Variants in SORBS2 observed in about 807,000 individuals in gnomAD.
SORBS2 encodes the protein sorbin and SH3 domain-containing protein 2.
Under a neutral mutation model 97.7 loss-of-function variants are expected in SORBS2, and 46 were observed. The observed-to-expected ratio is 0.47, with a 90% CI of 0.37 to 0.60. The LOEUF is 0.60. Ranked by LOEUF, SORBS2 falls within the 20% of genes least tolerant of loss-of-function variation. The probability of loss-of-function intolerance (pLI) is 0.00; values close to 1 mark genes in which losing one functional copy is unlikely to be tolerated. For missense variants in SORBS2, 1,316 were observed against 1,282.3 expected, an observed-to-expected ratio of 1.03 and a Z score of -0.40; for synonymous variants, 476 against 473.4, an observed-to-expected ratio of 1.01 and a Z score of -0.07.
chr4:185,778,650 A>C (rs552968699), intron 1 of SORBS2, among the ~76,000 whole-genome samples: 5 of 152,170 alleles, frequency 3.3e-5, no homozygotes, highest in Non-Finnish European at 7.3e-5. Context: ...ATGACTCTGG[A>C]TGTGACTCGA....
At chr4:185,637,355 T>C (rs1276933810) in intron 4 of SORBS2, among the ~76,000 whole-genome samples, 1 of 152,246 alleles carries the variant, frequency 6.6e-6, no homozygotes, top group Non-Finnish European at 1.5e-5. Context: ...CCTAGGCGTG[T>C]AGCAGGCTCT....
rs1201714307 is a variant in SORBS2 at position 185,731,832 on chromosome 4, T to TTCTCTCTCTCTC, written c.-198+43383_-198+43394dup. 3.3e-4 allele frequency among the ~76,000 whole-genome samples: 11 copies of TTCTCTCTCTCTC among 33,276 alleles called. 1 individual carries two copies. In the East Asian group the frequency reaches 4.7e-3, roughly 14 times the overall value. The allele number at this position is 33,276 out of a possible 152,430, so 21.8% of individuals were successfully genotyped here. ...CCTCCCTCCCTGCCTGTCTCTCTCT[T>TTCTCTCTCTCTC]TCTCTCTCTCTCTCTCTCTCTCTCT... On this transcript the variant is annotated intron_variant, in intron 2 of 20. Transcript: ENST00000284776.
intron 1 of SORBS2, among the ~76,000 whole-genome samples, chr4:185,787,941 A>G (rs2099063697): frequency 6.6e-6 from 1 of 152,256 alleles, no homozygotes; most frequent in African/African-American, 2.4e-5. Context: ...AGATGATTTT[A>G]CAGGTAAAGC....
chr4:185,633,471 GTT>G (rs56864890), intron 4 of SORBS2, among the ~76,000 whole-genome samples: 1 of 137,926 alleles, frequency 7.3e-6, no homozygotes, highest in Admixed American at 7.3e-5. Context: ...TTTATGTGTT[GTT>G]TTTTTTTTTT....
At chr4:185,766,034 C>A (rs908691027) in intron 2 of SORBS2, among the ~76,000 whole-genome samples, 4 of 152,180 alleles carry the variant, frequency 2.6e-5, no homozygotes, top group Non-Finnish European at 5.9e-5. Flanking sequence ...CATCGAATTT[C>A]TGCTGCTAAG....
intron 4 of SORBS2, chr4:185,666,150 G>A (rs2097593969): frequency 7.8e-7 from 1 of 1,289,888 alleles, no homozygotes; most frequent in Non-Finnish European, 1.0e-6. Context: ...TGGTTTGTCT[G>A]TGTGTCTGTG....
chr4:185,928,215 G>C (rs2099264669), intron 1 of SORBS2, among the ~76,000 whole-genome samples: 2 of 152,064 alleles, frequency 1.3e-5, no homozygotes, highest in African/African-American at 4.8e-5. Context: ...ATACCAGCCT[G>C]GGCAACATAG....
chr4:185,694,559 A>G (rs10434306), intron 2 of SORBS2, among the ~76,000 whole-genome samples: 106,527 of 151,844 alleles, frequency 0.7, 37,421 homozygotes, highest in South Asian at 0.77. Flanking sequence ...TTACTTATGG[A>G]TTAGAGTAGC....
chr4:185,678,394 A>T, intron 4 of SORBS2, 29 bp downstream of exon 7: 1 of 1,527,272 alleles, frequency 6.5e-7, no homozygotes, highest in Non-Finnish European at 8.8e-7. Context: ...CCTTAAAATA[A>T]TGCAGTAGCC....
At chr4:185,926,824 C>G (rs192632193) in intron 1 of SORBS2, among the ~76,000 whole-genome samples, 75 of 151,928 alleles carry the variant, frequency 4.9e-4, no homozygotes, top group Non-Finnish European at 9.0e-4. Flanking sequence ...TTAGAGCACA[C>G]GGGCTCCCCT....
intron 1 of SORBS2, among the ~76,000 whole-genome samples, chr4:185,794,571 T>C (rs762448501): frequency 6.6e-6 from 1 of 152,268 alleles, no homozygotes; most frequent in South Asian, 2.1e-4. Context: ...ATTCAGATGG[T>C]GTTTCCTGGG....
At chr4:185,649,387 C>G in intron 3 of SORBS2, 80 bp downstream of exon 12, 1 of 1,198,118 alleles carries the variant, frequency 8.3e-7, no homozygotes, top group South Asian at 1.7e-5. Flanking sequence ...GGCAGGTGCA[C>G]TGATTCTTCT....
intron 1 of SORBS2, among the ~76,000 whole-genome samples, chr4:185,848,520 A>T (rs1478363330): frequency 2.6e-5 from 4 of 151,968 alleles, no homozygotes; most frequent in Admixed American, 6.6e-5. Context: ...GTAAACTTTT[A>T]AAAAAGTCTT....
At chr4:185,781,538 C>CAG (rs2099029269) in intron 1 of SORBS2, among the ~76,000 whole-genome samples, 1 of 151,780 alleles carries the variant, frequency 6.6e-6, no homozygotes, top group African/African-American at 2.4e-5. Flanking sequence ...TCCAGCCTCC[C>CAG]TTCCATTGCC....
intron 2 of SORBS2, among the ~76,000 whole-genome samples, chr4:185,701,882 T>A (rs1400698167): frequency 6.6e-6 from 1 of 151,982 alleles, no homozygotes; most frequent in African/African-American, 2.4e-5. Flanking sequence ...GTGATTCCCC[T>A]GCCTCAGCCT....
rs928576163 is a variant in SORBS2, at chr4:185,798,627, T to G, written c.-337-23261A>C. Among the ~76,000 whole-genome samples, 11 of 152,318 alleles carry G rather than the reference T, an allele frequency of 7.2e-5. 1 individual carries two copies. The highest frequency in any genetic ancestry group is 2.6e-4 in the African/African-American group (11 of 41,574). On this transcript the variant is annotated intron_variant, in intron 1 of 20. Coordinates refer to the SORBS2 transcript ENST00000284776. The stretch of plus-strand genomic sequence containing the variant: ...TGACTTAAAATACATCATCATAGTC[T>G]TATTAATTAAACATGTTCTTATCAG...
chr4:185,943,562 T>C lies in SORBS2; in HGVS notation c.-338+12634A>G, dbSNP rs116972616. 6.4e-3 allele frequency among the ~76,000 whole-genome samples: 974 copies of C among 152,342 alleles called. 14 individuals are homozygous for C. The highest frequency in any genetic ancestry group is 0.033 in the Admixed American group (509 of 15,298). ...CACAAATCCTCACTGTGGGACGTTT[T>C]ACAAGACAATTGGCCTGTTCTCTTC... On this transcript the variant is annotated intron_variant, in intron 1 of 20. Coordinates refer to the SORBS2 transcript ENST00000284776.
At chr4:185,879,176 C>CCCCCA (rs1491475757) in intron 1 of SORBS2, among the ~76,000 whole-genome samples, 989 of 84,618 alleles carry the variant, frequency 0.012, 44 homozygotes, top group Middle Eastern at 0.019. Context: ...CCCCCCCCCC[C>CCCCCA]ACCCCACGAC....
At chr4:185,690,841 G>C (rs1038410881) in intron 2 of SORBS2, among the ~76,000 whole-genome samples, 15 of 151,844 alleles carry the variant, frequency 9.9e-5, no homozygotes, top group African/African-American at 3.6e-4. Flanking sequence ...TTATGCTTTT[G>C]TTTAATGGTG....
Sources: allele counts gnomAD v4.1 joint callset (sites outside exome capture counted in the v4.1 genomes callset), GRCh38; gene constraint gnomAD v4.1.1; transcripts MANE v1.5; gene names NCBI Gene and HGNC (gene_info 2026-07-23, HGNC 2026-07-21).